PCDHGA2: variants seen among roughly 807,000 people sequenced by gnomAD.
PCDHGA2 encodes protocadherin gamma-A2.
PCDHGA2 carries 40 observed loss-of-function variants against 59.2 expected under a neutral mutation model. The observed-to-expected ratio is 0.68, with a 90% CI of 0.52 to 0.88. The LOEUF is 0.88. Ranked by LOEUF, PCDHGA2 falls within the 40% of genes least tolerant of loss-of-function variation. PCDHGA2 has a pLI of 0.00. For missense variants in PCDHGA2, 1,226 were observed against 1,204.0 expected (o/e 1.02, Z -0.27); for synonymous variants, 560 against 526.0 (o/e 1.06, Z -0.89).
At position 141,344,594 on chromosome 5, in the gene PCDHGA2, G is replaced by A. The variant is rs112672535; in HGVS notation, c.2424+3199G>A. On this transcript the variant is annotated intron_variant, in intron 1 of 3. Coordinates refer to ENST00000394576, the MANE Select transcript of PCDHGA2 (RefSeq NM_018915.4). ...CTCTGGCTGTGAATAGCGTCTCTGA[G>A]GGGGCCAAGTATCCAGAGCTGGTGC... 39 of 1,613,988 alleles carry A rather than the reference G, an allele frequency of 2.4e-5. 2 individuals carry two copies. The African/African-American group carries it at 2.8e-4, about 12-fold the overall frequency.
chr5:141,511,118 C>T lies in PCDHGA2; in HGVS notation c.2744C>T (p.Ala915Val), dbSNP rs1352222210. 1.2e-6 allele frequency: 2 copies of T among 1,614,094 alleles called. No individual in the cohort carries two copies. The highest frequency in any genetic ancestry group is 1.7e-6 in the Non-Finnish European group (2 of 1,180,022). The change falls in exon 4 of 4, where the codon GCC (alanine) becomes GTC (valine). Residue 915 changes from alanine to valine, a missense_variant. Coordinates refer to ENST00000394576, the MANE Select transcript of PCDHGA2 (RefSeq NM_018915.4). ...GCAGCTGGCAAGCGGGATGGCAAGG[C>T]CCCAGCAGGTGGCAATGGCAACAAG... is the stretch of plus-strand genomic sequence containing the variant. ...TNAAGKRDGK[A>V]PAGGNGNKKK... is the part of the protein sequence containing the mutation.
chr5:141,413,838 G>A, intron 1 of PCDHGA2: 1 of 1,613,284 alleles, frequency 6.2e-7, no homozygotes, highest in Non-Finnish European at 8.5e-7. Context: ...CCTCCGACGG[G>A]GGTGACCCTC....
Position 141,476,114 on chromosome 5 carries a change from G to A in PCDHGA2, c.2425-18693G>A. Reference sequence around the variant, plus strand: ...CCGCTGAGAGGAACTGCTTTTGAGTGAGATGGTCCCAGAGGCCTGGAGGAG... The same window carrying A: ...CCGCTGAGAGGAACTGCTTTTGAGTAAGATGGTCCCAGAGGCCTGGAGGAG... On this transcript the variant is annotated intron_variant, in intron 1 of 3. Coordinates refer to ENST00000394576, the MANE Select transcript of PCDHGA2 (RefSeq NM_018915.4). The surrounding 1 kb of genome is among the most constrained non-coding windows in gnomAD (Gnocchi z 7.6). 6.3e-7 allele frequency: 1 copy of A among 1,592,296 alleles called. No individual in the cohort carries two copies. The highest frequency in any genetic ancestry group is 8.5e-7 in the Non-Finnish European group (1 of 1,171,536).
intron 1 of PCDHGA2, among the ~76,000 whole-genome samples, chr5:141,456,882 G>A (rs1039329600): frequency 6.6e-6 from 1 of 152,156 alleles, no homozygotes; most frequent in Non-Finnish European, 1.5e-5. Context: ...AGAATCGCTT[G>A]AACCCGGGAG....
chr5:141,421,811 T>A, intron 1 of PCDHGA2: 1 of 1,613,766 alleles, frequency 6.2e-7, no homozygotes, highest in Non-Finnish European at 8.5e-7. Flanking sequence ...AATCCAGAGC[T>A]AGTACTGGAG....
At chr5:141,510,898 T>C in intron 3 of PCDHGA2, 49 bp from the exon 4 acceptor site, 1 of 1,613,278 alleles carries the variant, frequency 6.2e-7, no homozygotes, top group Non-Finnish European at 8.5e-7. Context: ...ACAGTGACTG[T>C]TGAGGACCCT....
chr5:141,382,569 T>G (rs72790022), intron 1 of PCDHGA2, among the ~76,000 whole-genome samples: 9,817 of 152,272 alleles, frequency 0.064, 368 homozygotes, highest in African/African-American at 0.1. Flanking sequence ...CAAAGAAATC[T>G]AACAGGGAAA....
At chr5:141,361,005 CT>C (rs1761838030) in intron 1 of PCDHGA2, 1 of 1,613,186 alleles carries the variant, frequency 6.2e-7, no homozygotes, top group East Asian at 2.2e-5. Context: ...AAGTGAAACA[CT>C]TTTTCAACTT....
rs773157241 is a variant in PCDHGA2, at chr5:141,370,760, G to A, written c.2424+29365G>A. 7 of 1,613,862 alleles carry A rather than the reference G, an allele frequency of 4.3e-6. No individual in the cohort carries two copies. The Admixed American group carries it at 1.2e-4, about 27-fold the overall frequency. On this transcript the variant is annotated intron_variant, in intron 1 of 3. Coordinates refer to ENST00000394576, the MANE Select transcript of PCDHGA2 (RefSeq NM_018915.4). ...TAAACTTTTTTCATGTAACTGTGCT[G>A]ATCCAGGATATTAACGACAACCCAC...
intron 1 of PCDHGA2, among the ~76,000 whole-genome samples, chr5:141,448,196 A>G (rs753761675): frequency 1.3e-5 from 2 of 152,176 alleles, no homozygotes; most frequent in Non-Finnish European, 2.9e-5. Context: ...TACACTTACA[A>G]ACATTTTCTG....
intron 1 of PCDHGA2, chr5:141,392,409 A>G (rs1308940731): frequency 6.4e-6 from 1 of 156,720 alleles, no homozygotes; most frequent in African/African-American, 2.4e-5. Context: ...ACTAAATAAA[A>G]CCTTCATCTC....
At position 141,477,177 on chromosome 5, in the gene PCDHGA2, T is replaced by C; in HGVS notation, c.2425-17630T>C. The C allele has an allele frequency of 6.2e-7, 1 of 1,614,160 alleles. No individual in the cohort carries two copies. On this transcript the variant is annotated intron_variant, in intron 1 of 3. Coordinates refer to ENST00000394576, the MANE Select transcript of PCDHGA2 (RefSeq NM_018915.4). This position sits in a 1 kb window ranked among gnomAD's most constrained non-coding sequence, Gnocchi z 4.9. Reference sequence around the variant, plus strand: ...AATGACAACGCCCCGGAGATCACAGTCACCTCCGTGTACAGCCCAGTACCC... The same window carrying C: ...AATGACAACGCCCCGGAGATCACAGCCACCTCCGTGTACAGCCCAGTACCC...
At position 141,384,871 on chromosome 5, in the gene PCDHGA2, G is replaced by A. The variant is rs769607351; in HGVS notation, c.2424+43476G>A. On this transcript the variant is annotated intron_variant, in intron 1 of 3. Coordinates refer to ENST00000394576, the MANE Select transcript of PCDHGA2 (RefSeq NM_018915.4). ...CGGTCAGCCTCCTCTGTCAGCCACC[G>A]TCACACTCACCGTGGCTGTGGCTGA... is the stretch of plus-strand genomic sequence containing the variant. 9 of 1,613,648 alleles carry A rather than the reference G, an allele frequency of 5.6e-6. No individual in the cohort carries two copies. Among genetic ancestry groups the A allele is most frequent in the South Asian group, 1.1e-5 (1 of 91,092 alleles).
intron 1 of PCDHGA2, chr5:141,422,371 C>T (rs866886181): frequency 6.4e-7 from 1 of 1,567,212 alleles, no homozygotes; most frequent in South Asian, 1.2e-5. Context: ...AGAAAATGGT[C>T]AAGTCTCCTG....
intron 1 of PCDHGA2, among the ~76,000 whole-genome samples, chr5:141,437,411 T>C (rs1014219268): frequency 1.1e-4 from 17 of 152,222 alleles, no homozygotes; most frequent in African/African-American, 4.1e-4. Flanking sequence ...TCCAGAAGTA[T>C]TATGCTTTTT....
rs1023591745 is a variant in PCDHGA2 at position 141,432,912 on chromosome 5, G to T, written c.2425-61895G>T. 2.5e-6 allele frequency: 4 copies of T among 1,614,160 alleles called. No individual in the cohort carries two copies. Among genetic ancestry groups the T allele is most frequent in the Non-Finnish European group, 3.4e-6 (4 of 1,180,012 alleles). On this transcript the variant is annotated intron_variant, in intron 1 of 3. Transcript: ENST00000394576. The surrounding 1 kb of genome is among the most constrained non-coding windows in gnomAD (Gnocchi z 6.0). Reference sequence around the variant, plus strand: ...TTGCTGCTGGCGCTCAGGCTGCGGCGCTGGCACAAGTCACGCCTGCTGCAG... The same window carrying T: ...TTGCTGCTGGCGCTCAGGCTGCGGCTCTGGCACAAGTCACGCCTGCTGCAG...
In PCDHGA2 at chr5:141,486,110, G is replaced by A. The variant is rs780031943; in HGVS notation, c.2425-8697G>A. 1.2e-6 allele frequency: 2 copies of A among 1,614,162 alleles called. No individual in the cohort carries two copies. Among genetic ancestry groups the A allele is most frequent in the South Asian group, 1.1e-5 (1 of 91,078 alleles). On this transcript the variant is annotated intron_variant, in intron 1 of 3. Transcript: ENST00000394576. This position sits in a 1 kb window ranked among gnomAD's most constrained non-coding sequence, Gnocchi z 5.0. ...TTTGGGGCCCCTAGACTTTGAGAGT[G>A]AGAATTACTATGAATTTGATGTGCG...
chr5:141,394,006 TAGGTA>T, intron 1 of PCDHGA2: 3 of 1,613,358 alleles, frequency 1.9e-6, no homozygotes, highest in Admixed American at 3.3e-5. Flanking sequence ...GAAAAGTCAA[TAGGTA>T]ATTATTATAG....
At chr5:141,345,420 G>C in intron 1 of PCDHGA2, 1 of 1,613,994 alleles carries the variant, frequency 6.2e-7, no homozygotes, top group Middle Eastern at 1.6e-4. Flanking sequence ...CTACATTCCA[G>C]AAAACAACCC....
Sources: gnomAD v4.1 joint callset for allele counts (sites outside exome capture counted in the v4.1 genomes callset) on GRCh38, gnomAD v4.1.1 for gene constraint, Gnocchi (gnomAD v3.1) non-coding constraint, MANE v1.5 for transcripts, NCBI Gene and HGNC (gene_info 2026-07-23, HGNC 2026-07-21) for gene names.